Variants in SLC29A4 observed in about 807,000 individuals in gnomAD.
SLC29A4 encodes equilibrative nucleoside transporter 4.
A neutral mutation model predicts 43.9 loss-of-function variants in SLC29A4; 36 were observed. The ratio of observed to expected loss-of-function variants is 0.82; its 90% CI spans 0.63 to 1.08. The LOEUF is 1.08. SLC29A4 is among the 50% of genes least tolerant of loss of function. The pLI, the probability that SLC29A4 is intolerant of heterozygous loss-of-function variation, is 0.00. For synonymous variants in SLC29A4, 491 were observed against 338.0 expected (o/e 1.45, Z -4.97); for missense variants, 869 against 755.3 (o/e 1.15, Z -1.77).
In SLC29A4 at chr7:5,296,966, G is replaced by A. The variant is rs535834277; in HGVS notation, c.650G>A (p.Arg217His). ...GCGGGCGTGATGATCTCTCTGAGCCGCATCCTCACGAAGCTGCTGCTGCCC... is the reference window on the plus strand; with the variant it reads ...GCGGGCGTGATGATCTCTCTGAGCCACATCCTCACGAAGCTGCTGCTGCCC... ...STAGVMISLS[R>H]ILTKLLLPDE... Residue 217 changes from arginine (R) to histidine (H), a missense_variant, in exon 7 of 11, where the codon CGC becomes CAC. Coordinates refer to ENST00000396872, the MANE Select transcript of SLC29A4 (RefSeq NM_153247.4). The A allele has an allele frequency of 6.3e-7, 1 of 1,598,378 alleles. No homozygotes were observed. Among genetic ancestry groups the A allele is most frequent in the South Asian group, 1.1e-5 (1 of 90,740 alleles).
intron 10 of SLC29A4, 81 bp downstream of exon 10, chr7:5,300,743 G>A (rs1786105710): frequency 9.8e-6 from 15 of 1,528,472 alleles, no homozygotes; most frequent in Middle Eastern, 2.4e-4. Context: ...AGGCTAGACC[G>A]CAGGAAGGTG....
At chr7:5,288,591 C>G (rs544978945) in intron 2 of SLC29A4, among the ~76,000 whole-genome samples, 1 of 152,100 alleles carries the variant, frequency 6.6e-6, no homozygotes, top group African/African-American at 2.4e-5. Flanking sequence ...CGCGCCCGTC[C>G]GCTGACCCAT....
At chr7:5,300,698 C>G in intron 10 of SLC29A4, 36 bp downstream of exon 10, 9 of 1,594,710 alleles carry the variant, frequency 5.6e-6, no homozygotes, top group Middle Eastern at 2.3e-4. Flanking sequence ...GGGGCGTCCT[C>G]CCAGCAGCGC....
In SLC29A4 at chr7:5,300,559, C is replaced by T; in HGVS notation, c.1347C>T (p.Pro449=). The T allele has an allele frequency of 2.5e-6, 4 of 1,612,450 alleles. No homozygotes were observed. Among genetic ancestry groups the T allele is most frequent in the African/African-American group, 2.7e-5 (2 of 75,020 alleles). The change falls in exon 10 of 11, where the codon CCC becomes CCT. Residue 449 remains proline (P), a synonymous_variant. Transcript: ENST00000396872. ...GMPALRHPAW[P]CIFSLLMGIS... The stretch of plus-strand genomic sequence containing the variant: ...CCGCCCTCCGTCACCCCGCCTGGCC[C>T]TGCATCTTCTCACTGCTCATGGGCA...
chr7:5,296,695 T>C (rs1785689495), intron 6 of SLC29A4, among the ~76,000 whole-genome samples: 1 of 135,858 alleles, frequency 7.4e-6, no homozygotes, highest in Non-Finnish European at 1.6e-5. Flanking sequence ...AAGGGGCTGG[T>C]GGAGCAGGTC....
chr7:5,300,434 C>G lies in SLC29A4; in HGVS notation c.1222C>G (p.Leu408Val). The G allele has an allele frequency of 6.2e-7, 1 of 1,611,436 alleles. No individual in the cohort carries two copies. Among genetic ancestry groups the G allele is most frequent in the South Asian group, 1.1e-5 (1 of 90,980 alleles). The change falls in exon 10 of 11, where the codon CTG becomes GTG. Residue 408 changes from leucine (L) to valine (V), a missense_variant. Coordinates refer to ENST00000396872, the MANE Select transcript of SLC29A4 (RefSeq NM_153247.4). ...TGGCTCTCTGCAGATCCTGGCAGCC[C>G]TGCCCGTGGACTGGCGGGGCACCCA... Reference protein sequence around the residue: ...SDFVGKILAALPVDWRGTHLL... With the variant: ...SDFVGKILAAVPVDWRGTHLL...
intron 1 of SLC29A4, among the ~76,000 whole-genome samples, chr7:5,283,998 G>A (rs139479849): frequency 0.024 from 3,670 of 150,914 alleles, 187 homozygotes; most frequent in African/African-American, 0.085. Flanking sequence ...AGCCGGAGGG[G>A]GTCACTGGGC....
intron 1 of SLC29A4, among the ~76,000 whole-genome samples, chr7:5,285,394 C>T (rs1199308553): frequency 6.6e-6 from 1 of 152,208 alleles, no homozygotes; most frequent in African/African-American, 2.4e-5. Flanking sequence ...CCGGGACCGC[C>T]TCTCCCCTGG....
At chr7:5,292,171 C>A (rs1417199507) in intron 5 of SLC29A4, among the ~76,000 whole-genome samples, 2 of 152,172 alleles carry the variant, frequency 1.3e-5, no homozygotes, top group Non-Finnish European at 2.9e-5. Context: ...AGTGCAGTGG[C>A]ATGATCATAG....
At chr7:5,297,396 C>T (rs1254377923) in intron 7 of SLC29A4, among the ~76,000 whole-genome samples, 198 bp downstream of exon 7, 2 of 152,238 alleles carry the variant, frequency 1.3e-5, no homozygotes, top group African/African-American at 4.8e-5. Flanking sequence ...CACCCCACGT[C>T]TCGTGGCCTA....
In SLC29A4 at chr7:5,297,128, G is replaced by A. The variant is rs1262160421; in HGVS notation, c.812G>A (p.Gly271Asp). ...ACACGGCCGCGTGACAGCCACCGGG[G>A]CAGGCCAGGCCTGGGCAGGGGCTAT... is the stretch of plus-strand genomic sequence containing the variant. ...YTTRPRDSHR[G>D]RPGLGRGYGY... The change falls in exon 7 of 11, where the codon GGC (glycine) becomes GAC (aspartate). Residue 271 changes from glycine to aspartate, a missense_variant. Transcript: ENST00000396872. 1 of 1,606,176 alleles carries A rather than the reference G, an allele frequency of 6.2e-7. No individual in the cohort carries two copies. Among genetic ancestry groups the A allele is most frequent in the East Asian group, 2.2e-5 (1 of 44,876 alleles).
chr7:5,290,767 G>C lies in SLC29A4; in HGVS notation c.205G>C (p.Ala69Pro). ...GCCAGTGCCCGATGACCGTTATCAC[G>C]CCATCTACTTTGCGATGCTGCTGGC... ...DEPVPDDRYH[A>P]IYFAMLLAGV... Residue 69 changes from alanine to proline, a missense_variant, in exon 3 of 11, where the codon GCC becomes CCC. Coordinates refer to ENST00000396872, the MANE Select transcript of SLC29A4 (RefSeq NM_153247.4). 1.2e-6 allele frequency: 2 copies of C among 1,613,888 alleles called. No homozygotes were observed. Among genetic ancestry groups the C allele is most frequent in the Non-Finnish European group, 1.7e-6 (2 of 1,179,854 alleles).
intron 1 of SLC29A4, among the ~76,000 whole-genome samples, chr7:5,285,738 G>A (rs536061904): frequency 2.6e-5 from 4 of 152,336 alleles, no homozygotes; most frequent in African/African-American, 9.6e-5. Context: ...TGGGCTGAGC[G>A]CAGTGGCTCA....
chr7:5,285,133 C>A (rs1223738094), intron 1 of SLC29A4, among the ~76,000 whole-genome samples: 9 of 152,294 alleles, frequency 5.9e-5, no homozygotes, highest in South Asian at 2.1e-4. Flanking sequence ...CTCTCTGGCG[C>A]CTCCCAACGA....
intron 1 of SLC29A4, among the ~76,000 whole-genome samples, chr7:5,285,567 G>A (rs1425158538): frequency 2.0e-5 from 3 of 152,224 alleles, no homozygotes; most frequent in Non-Finnish European, 4.4e-5. Context: ...AGAAGAGGGG[G>A]ACATGGGGTC....
intron 6 of SLC29A4, among the ~76,000 whole-genome samples, chr7:5,295,415 C>A (rs934813153): frequency 1.8e-4 from 28 of 152,210 alleles, no homozygotes; most frequent in African/African-American, 6.0e-4. Context: ...TCTCCTCCAC[C>A]CACCCTGCCA....
At chr7:5,296,879 G>C (rs190219903) in intron 6 of SLC29A4, 57 bp from the exon 7 acceptor site, 4 of 1,494,722 alleles carry the variant, frequency 2.7e-6, no homozygotes, top group East Asian at 2.4e-5. Context: ...GGGGCGGGAC[G>C]GGGCGGTGCA....
At chr7:5,292,416 T>A (rs935476340) in intron 5 of SLC29A4, among the ~76,000 whole-genome samples, 1 of 152,010 alleles carries the variant, frequency 6.6e-6, no homozygotes, top group Admixed American at 6.6e-5. Context: ...GCCTGGCCTT[T>A]CAAACTTTTT....
At chr7:5,290,918 G>T in intron 3 of SLC29A4, 55 bp downstream of exon 3, 5 of 1,569,562 alleles carry the variant, frequency 3.2e-6, no homozygotes, top group Non-Finnish European at 4.3e-6. Context: ...CATGGCCTGG[G>T]GCCTCCCAGA....
Sources: allele counts gnomAD v4.1 joint callset (sites outside exome capture counted in the v4.1 genomes callset), GRCh38; gene constraint gnomAD v4.1.1; transcripts MANE v1.5; gene names NCBI Gene and HGNC (gene_info 2026-07-23, HGNC 2026-07-21).